The following BAZ1B variants were observed in gnomAD, a reference collection of about 807,000 sequenced individuals.
BAZ1B encodes tyrosine-protein kinase BAZ1B.
BAZ1B carries 22 observed loss-of-function variants against 153.8 expected under a neutral mutation model. The ratio of observed to expected loss-of-function variants is 0.14; its 90% CI spans 0.10 to 0.20. The LOEUF (loss-of-function observed/expected upper bound fraction) is 0.20, where lower values mean the gene tolerates loss of function less well. Among genes scored for constraint, BAZ1B ranks in the 10% least tolerant of loss-of-function variants. BAZ1B has a pLI of 1.00. For missense variants in BAZ1B, 1,325 were observed against 1,799.3 expected (o/e 0.74, Z 4.77); for synonymous variants, 676 against 633.4 (o/e 1.07, Z -1.01).
chr7:73,470,694 C>T (rs1377308511), intron 7 of BAZ1B, among the ~76,000 whole-genome samples: 1 of 152,124 alleles, frequency 6.6e-6, no homozygotes, highest in Non-Finnish European at 1.5e-5. Context: ...GACATCTCAT[C>T]CCTCAACTCA....
chr7:73,463,057 T>C lies in BAZ1B; in HGVS notation c.3114A>G (p.Pro1038=). Residue 1038 remains proline (P), a synonymous_variant, in exon 12 of 20, where the codon CCA becomes CCG. Coordinates refer to ENST00000339594, the MANE Select transcript of BAZ1B (RefSeq NM_032408.4). ...CATCACAAGATTTTAGACCCAAATTTGGCTTCCGTGCTAGATGAATAGAGT... is the reference window on the plus strand; with the variant it reads ...CATCACAAGATTTTAGACCCAAATTCGGCTTCCGTGCTAGATGAATAGAGT... The part of the protein sequence containing the change: ...IIHSIHLARK[P]NLGLKSCDGN... 1 of 1,614,040 alleles carries C rather than the reference T, an allele frequency of 6.2e-7. No homozygotes were observed. Among genetic ancestry groups the C allele is most frequent in the Middle Eastern group, 1.6e-4 (1 of 6,062 alleles).
At chr7:73,509,303 CAGAG>C (rs1563401802) in intron 2 of BAZ1B, among the ~76,000 whole-genome samples, 2 of 152,224 alleles carry the variant, frequency 1.3e-5, no homozygotes, top group South Asian at 2.1e-4. Context: ...GCCTGGGCAA[CAGAG>C]AGAGACTCAG....
At chr7:73,506,450 G>C (rs192314041) in intron 3 of BAZ1B, among the ~76,000 whole-genome samples, 1 of 150,832 alleles carries the variant, frequency 6.6e-6, no homozygotes, top group Non-Finnish European at 1.5e-5. Flanking sequence ...AGTGAGCTGA[G>C]ATCATGCCAC....
At chr7:73,476,248 T>C (rs1788995652) in intron 7 of BAZ1B, among the ~76,000 whole-genome samples, 1 of 152,198 alleles carries the variant, frequency 6.6e-6, no homozygotes, top group Non-Finnish European at 1.5e-5. Context: ...GTACATTATC[T>C]GTGACTCTAC....
At chr7:73,453,936 C>A (rs1294236548) in intron 13 of BAZ1B, among the ~76,000 whole-genome samples, 1 of 152,174 alleles carries the variant, frequency 6.6e-6, no homozygotes, top group Non-Finnish European at 1.5e-5. Context: ...CAAGATCACA[C>A]CACTGCACCC....
Position 73,466,416 on chromosome 7 carries a change from G to T in BAZ1B, c.2867-15C>A, listed in dbSNP as rs782673389. 6.3e-7 allele frequency: 1 copy of T among 1,580,044 alleles called. No individual in the cohort carries two copies. Among genetic ancestry groups the T allele is most frequent in the Non-Finnish European group, 8.7e-7 (1 of 1,149,202 alleles). ...TGCTTTCTTACCTAAGAAAAATTGA[G>T]ACATTAGGTTGACTTTAGTAAATAC... is the stretch of plus-strand genomic sequence containing the variant. On this transcript the variant is annotated splice_polypyrimidine_tract_variant and intron_variant, in intron 9 of 19. Transcript: ENST00000339594.
chr7:73,468,417 G>GAA (rs147993325), intron 9 of BAZ1B, among the ~76,000 whole-genome samples: 2 of 142,046 alleles, frequency 1.4e-5, no homozygotes, highest in African/African-American at 5.2e-5. Context: ...ATGGTGGGAG[G>GAA]AAAAAAAAAA....
chr7:73,497,084 C>CAAAAAAAAAAAAAAA (rs71071939), intron 4 of BAZ1B, among the ~76,000 whole-genome samples: 1 of 112,236 alleles, frequency 8.9e-6, no homozygotes, highest in Non-Finnish European at 1.9e-5. Context: ...AAAAAAAAAA[C>CAAAAAAAAAAAAAAA]CTACAAAAAT....
At position 73,450,536 on chromosome 7, in the gene BAZ1B, T is replaced by C. The variant is rs1554567965; in HGVS notation, c.3580+311A>G. 6.6e-6 allele frequency among the ~76,000 whole-genome samples: 1 copy of C among 152,174 alleles called. No homozygotes were observed. Among genetic ancestry groups the C allele is most frequent in the Non-Finnish European group, 1.5e-5 (1 of 68,034 alleles). Reference sequence around the variant, plus strand: ...ACAGATGACTAAAGTTCTGAGCCAATCAAAGGATTTAAAACTAAACTAACT... The same window carrying C: ...ACAGATGACTAAAGTTCTGAGCCAACCAAAGGATTTAAAACTAAACTAACT... On this transcript the variant is annotated intron_variant, in intron 14 of 19. Coordinates refer to ENST00000339594, the MANE Select transcript of BAZ1B (RefSeq NM_032408.4). This position sits in a 1 kb window ranked among gnomAD's most constrained non-coding sequence, Gnocchi z 4.1.
chr7:73,478,309 A>G lies in BAZ1B; in HGVS notation c.1152T>C (p.Ile384=). 6.2e-7 allele frequency: 1 copy of G among 1,613,994 alleles called. No individual in the cohort carries two copies. Among genetic ancestry groups the G allele is most frequent in the Non-Finnish European group, 8.5e-7 (1 of 1,180,018 alleles). The part of the protein sequence containing the change: ...SPNKLHTNFH[I]PKKGPPAKKP... ...TCTTGGCAGGTGGGCCTTTTTTAGG[A>G]ATGTGAAAGTTAGTGTGCAGCTTAT... Residue 384 remains isoleucine, a synonymous_variant, in exon 7 of 20, where the codon ATT becomes ATC. Transcript: ENST00000339594.
chr7:73,490,606 CA>C, intron 5 of BAZ1B, among the ~76,000 whole-genome samples: 1 of 150,094 alleles, frequency 6.7e-6, no homozygotes, highest in Admixed American at 6.7e-5. Flanking sequence ...TAAAACTAAG[CA>C]TTTTTTTTTT....
At chr7:73,443,875 G>C (rs568946576) in intron 17 of BAZ1B, 109 bp downstream of exon 17, 1 of 1,533,668 alleles carries the variant, frequency 6.5e-7, no homozygotes, top group African/African-American at 1.4e-5. Context: ...TTGGTAAGAA[G>C]GAGGAGGGGG....
chr7:73,477,345 C>T lies in BAZ1B; in HGVS notation c.2116G>A (p.Glu706Lys), dbSNP rs1554572964. ...LRRSDVQEES[E>K]GSDTDDNKDS... ...TTATTGTCATCTGTGTCTGAGCCCTCGCTTTCCTCCTGAACATCAGATCTG... is the reference window on the plus strand; with the variant it reads ...TTATTGTCATCTGTGTCTGAGCCCTTGCTTTCCTCCTGAACATCAGATCTG... The change falls in exon 7 of 20, where the codon GAG becomes AAG. Residue 706 changes from glutamate (E) to lysine (K), a missense_variant. Transcript: ENST00000339594. This position sits in a 1 kb window ranked among gnomAD's most constrained non-coding sequence, Gnocchi z 5.6. 10 of 1,614,256 alleles carry T rather than the reference C, an allele frequency of 6.2e-6. No homozygotes were observed. The highest frequency in any genetic ancestry group is 1.7e-5 in the Admixed American group (1 of 60,028).
At chr7:73,492,197 C>CT (rs199936681) in intron 5 of BAZ1B, among the ~76,000 whole-genome samples, 490 of 150,358 alleles carry the variant, frequency 3.3e-3, no homozygotes, top group Middle Eastern at 0.014. Context: ...GAATCTTGCT[C>CT]TATCGCCCAG....
In BAZ1B at chr7:73,492,878, T is replaced by G; in HGVS notation, c.615A>C (p.Leu205Phe). 2 of 1,611,694 alleles carry G rather than the reference T, an allele frequency of 1.2e-6. No homozygotes were observed. The highest frequency in any genetic ancestry group is 8.5e-7 in the Non-Finnish European group (1 of 1,179,352). ...GAGCCCATTTCCTTTCTCCTTTTTT[T>G]AATGAAGTAGGAAGTTTTCGTGGCG... ...RRSPRKLPTS[L>F]KKGERKWAPP... Residue 205 changes from leucine to phenylalanine, a missense_variant, in exon 5 of 20, where the codon TTA becomes TTC. By Grantham distance (22) the Leu-to-Phe change is conservative (BLOSUM62 0). This residue lies in a region of BAZ1B where 153 missense variants were observed against 204.8 expected (regional missense o/e 0.75). Transcript: ENST00000339594.
chr7:73,518,435 T>A (rs534245622), intron 1 of BAZ1B, among the ~76,000 whole-genome samples: 2 of 150,320 alleles, frequency 1.3e-5, no homozygotes, highest in Non-Finnish European at 3.0e-5. Flanking sequence ...AATAAATAAA[T>A]AAAAATAAAA....
In BAZ1B at chr7:73,442,427, G is replaced by A; in HGVS notation, c.4221C>T (p.Asp1407=). The A allele has an allele frequency of 3.1e-6, 5 of 1,614,236 alleles. No homozygotes were observed. The South Asian group carries it at 5.5e-5, about 18-fold the overall frequency. Residue 1407 remains aspartate, a synonymous_variant, in exon 19 of 20, where the codon GAC becomes GAT. Coordinates refer to ENST00000339594, the MANE Select transcript of BAZ1B (RefSeq NM_032408.4). The part of the protein sequence containing the change: ...SYRSVQEFLT[D]MKQVFTNAEV... Reference sequence around the variant, plus strand: ...CAGCATTGGTAAACACTTGCTTCATGTCAGTAAGAAACTCCTGCACAGAGC... The same window carrying A: ...CAGCATTGGTAAACACTTGCTTCATATCAGTAAGAAACTCCTGCACAGAGC...
Position 73,469,581 on chromosome 7 carries a change from G to C in BAZ1B, c.2802C>G (p.Asp934Glu), listed in dbSNP as rs1554571697. ...CTTTGCAGTGATGGTTGAATCGGTA[G>C]TCAATGCTGTCATGTACCCAGCCTT... Reference protein sequence around the residue: ...IEKGWVHDSIDYRFNHHCKDH... With the variant: ...IEKGWVHDSIEYRFNHHCKDH... Residue 934 changes from aspartate (D) to glutamate (E), a missense_variant, in exon 9 of 20, where the codon GAC (aspartate) becomes GAG (glutamate). Transcript: ENST00000339594. The C allele has an allele frequency of 6.2e-7, 1 of 1,614,128 alleles. No individual in the cohort carries two copies. The highest frequency in any genetic ancestry group is 1.7e-5 in the Admixed American group (1 of 60,026).
intron 12 of BAZ1B, 88 bp downstream of exon 12, chr7:73,462,834 C>T: frequency 7.2e-7 from 1 of 1,388,876 alleles, no homozygotes; most frequent in Non-Finnish European, 1.0e-6. Context: ...CCAGGAGGGT[C>T]ATGTTGGGAA....
Sources: gnomAD v4.1 joint callset for allele counts (sites outside exome capture counted in the v4.1 genomes callset) on GRCh38, gnomAD v4.1.1 for gene constraint, gnomAD v4.1.1 regional missense constraint, Gnocchi (gnomAD v3.1) non-coding constraint, MANE v1.5 for transcripts, NCBI Gene and HGNC (gene_info 2026-07-23, HGNC 2026-07-21) for gene names.